AFAP1L2: variants seen among roughly 807,000 people sequenced by gnomAD.
AFAP1L2 encodes actin filament-associated protein 1-like 2.
A neutral mutation model predicts 99.3 loss-of-function variants in AFAP1L2; 46 were observed. That is an observed-to-expected ratio of 0.46 (90% CI 0.37 to 0.59). AFAP1L2 has a LOEUF of 0.59. Ranked by LOEUF, AFAP1L2 falls within the 20% of genes least tolerant of loss-of-function variation. The probability of loss-of-function intolerance (pLI) is 0.00; values close to 1 mark genes in which losing one functional copy is unlikely to be tolerated. For missense variants in AFAP1L2, 959 were observed against 1,034.9 expected, an observed-to-expected ratio of 0.93 and a Z score of 1.01; for synonymous variants, 397 against 419.1, an observed-to-expected ratio of 0.95 and a Z score of 0.64.
At position 114,295,844 on chromosome 10, in the gene AFAP1L2, T is replaced by C; in HGVS notation, c.*198A>G. On this transcript the variant is annotated 3_prime_UTR_variant, in exon 19 of 19. Transcript: ENST00000304129. The stretch of plus-strand genomic sequence containing the variant: ...ATAGACTTAGGTCTCCAAAGAAGCC[T>C]CCTTTTTGTTGTATTATTTCCTTTG... 1 of 1,411,894 alleles carries C rather than the reference T, an allele frequency of 7.1e-7. No individual in the cohort carries two copies. The highest frequency in any genetic ancestry group is 9.2e-7 in the Non-Finnish European group (1 of 1,083,060). The allele number at this position is 1,411,894 out of a possible 1,614,324, so 87.5% of individuals were successfully genotyped here. A position where few individuals can be genotyped will look rare whatever the true frequency, so the allele number is the denominator to read the frequency against.
At chr10:114,346,012 C>T (rs979393943) in intron 1 of AFAP1L2, among the ~76,000 whole-genome samples, 12 of 152,152 alleles carry the variant, frequency 7.9e-5, no homozygotes, top group Admixed American at 6.5e-4. Context: ...CATCGGGGAG[C>T]GGGTGGGCCA....
At chr10:114,404,769 T>G, upstream of AFAP1L2, 1 of 300,680 alleles carries the variant, frequency 3.3e-6, no homozygotes, top group East Asian at 5.7e-5. Context: ...CCTTCACGTC[T>G]TGACTCCGGG....
chr10:114,343,406 T>C (rs71484940), intron 1 of AFAP1L2, among the ~76,000 whole-genome samples: 3,583 of 152,362 alleles, frequency 0.024, 75 homozygotes, highest in South Asian at 0.11. Context: ...TGTGTCACTC[T>C]AGAGGCAAGT....
chr10:114,316,341 A>G (rs1256269842), intron 5 of AFAP1L2, among the ~76,000 whole-genome samples: 1 of 152,174 alleles, frequency 6.6e-6, no homozygotes, highest in African/African-American at 2.4e-5. Flanking sequence ...CCTCAGAAAT[A>G]AAAGTCCAAA....
chr10:114,284,927 C>G, the AFAP1L2 span: 4 of 1,605,630 alleles, frequency 2.5e-6, no homozygotes, highest in East Asian at 2.3e-5. Context: ...TGGACGGCTA[C>G]CAGTGCCTCT....
At chr10:114,390,272 C>T (rs912126623) in intron 1 of AFAP1L2, among the ~76,000 whole-genome samples, 7 of 152,150 alleles carry the variant, frequency 4.6e-5, no homozygotes, top group South Asian at 2.1e-4. Context: ...TATCAGTTCA[C>T]CTGTTCCCTC....
intron 3 of AFAP1L2, 94 bp downstream of exon 3, chr10:114,333,127 C>G: frequency 8.5e-7 from 1 of 1,183,402 alleles, no homozygotes; most frequent in Non-Finnish European, 1.2e-6. Flanking sequence ...TGTGTGCCGG[C>G]TGGGAGGAAA....
intron 5 of AFAP1L2, 113 bp from the exon 6 acceptor site, chr10:114,315,878 A>G: frequency 9.5e-7 from 1 of 1,056,390 alleles, no homozygotes; most frequent in Non-Finnish European, 1.4e-6. Flanking sequence ...ACAGCCCCCG[A>G]CTCTCCCTGC....
At chr10:114,282,659 A>G in the AFAP1L2 span, 4 of 1,211,890 alleles carry the variant, frequency 3.3e-6, no homozygotes, top group African/African-American at 6.0e-5. Flanking sequence ...CCTGGGACAG[A>G]GGGTGGGGTT....
At chr10:114,306,745 C>T (rs921249887) in intron 10 of AFAP1L2, among the ~76,000 whole-genome samples, 2 of 152,074 alleles carry the variant, frequency 1.3e-5, no homozygotes, top group Non-Finnish European at 2.9e-5. Context: ...TGTATTCTCT[C>T]TCAGCCCTCC....
intron 13 of AFAP1L2, 102 bp from the exon 14 acceptor site, chr10:114,300,792 G>A: frequency 6.8e-7 from 1 of 1,461,600 alleles, no homozygotes; most frequent in Non-Finnish European, 9.2e-7. Context: ...CCATCTCACA[G>A]TGTTCCAAGA....
intron 2 of AFAP1L2, among the ~76,000 whole-genome samples, chr10:114,334,829 G>T (rs905649325): frequency 3.3e-5 from 5 of 152,232 alleles, no homozygotes; most frequent in Non-Finnish European, 7.3e-5. Context: ...AGGAGACGGG[G>T]TCTCAACCAA....
At chr10:114,314,590 G>C (rs1371452529) in intron 6 of AFAP1L2, among the ~76,000 whole-genome samples, 1 of 152,164 alleles carries the variant, frequency 6.6e-6, no homozygotes, top group Admixed American at 6.5e-5. Context: ...GGGGTTACAG[G>C]GTTGCTTAAA....
In AFAP1L2 at chr10:114,302,506, C is replaced by T. The variant is rs771423952; in HGVS notation, c.1285-22G>A. On this transcript the variant is annotated intron_variant, in intron 11 of 18. Coordinates refer to ENST00000304129, the MANE Select transcript of AFAP1L2 (RefSeq NM_001001936.3). Reference sequence around the variant, plus strand: ...TGGCCTGGAACGAGGCCAAGAGAGACATAAGCAGGGCCAGGCAGTGCTGCC... The same window carrying T: ...TGGCCTGGAACGAGGCCAAGAGAGATATAAGCAGGGCCAGGCAGTGCTGCC... 5.0e-6 allele frequency: 8 copies of T among 1,613,458 alleles called. No individual in the cohort carries two copies. The Admixed American group carries it at 6.7e-5, about 13-fold the overall frequency.
In AFAP1L2 at chr10:114,386,305, G is replaced by A. The variant is rs1327707650; in HGVS notation, c.16+18135C>T. ...AGTCCCAACTACTCAAGAAGTCGAG[G>A]TGGGAGGATCGCTTGAGCCCAGGAT... is the stretch of plus-strand genomic sequence containing the variant. On this transcript the variant is annotated intron_variant, in intron 1 of 18. Transcript: ENST00000304129. 3.3e-5 allele frequency among the ~76,000 whole-genome samples: 5 copies of A among 152,292 alleles called. No homozygotes were observed. The East Asian group carries it at 7.7e-4, about 23-fold the overall frequency.
At chr10:114,369,696 CA>C (rs1280844129) in intron 1 of AFAP1L2, among the ~76,000 whole-genome samples, 1 of 151,522 alleles carries the variant, frequency 6.6e-6, no homozygotes, top group Non-Finnish European at 1.5e-5. Flanking sequence ...TGAGCTTTAT[CA>C]GTTATAAACA....
intron 2 of AFAP1L2, among the ~76,000 whole-genome samples, chr10:114,340,174 A>G (rs576613009): frequency 0.019 from 447 of 23,808 alleles, 4 homozygotes; most frequent in African/African-American, 0.045. Flanking sequence ...TCTACAAAAA[A>G]AAAATACAAA....
chr10:114,313,109 T>G, intron 7 of AFAP1L2, among the ~76,000 whole-genome samples: 1 of 141,004 alleles, frequency 7.1e-6, no homozygotes, highest in Non-Finnish European at 1.5e-5. Flanking sequence ...GTGGTTGTGA[T>G]GGGAGAGGGG....
intron 1 of AFAP1L2, among the ~76,000 whole-genome samples, chr10:114,345,974 G>T (rs1002686885): frequency 2.0e-5 from 3 of 152,130 alleles, no homozygotes; most frequent in Admixed American, 2.0e-4. Flanking sequence ...CAGACACCGT[G>T]GTGAACCAGG....
Sources: gnomAD v4.1 joint callset for allele counts (sites outside exome capture counted in the v4.1 genomes callset) on GRCh38, gnomAD v4.1.1 for gene constraint, MANE v1.5 for transcripts, NCBI Gene and HGNC (gene_info 2026-07-23, HGNC 2026-07-21) for gene names.